BIVM: variants seen among roughly 807,000 people sequenced by gnomAD.
The protein encoded by BIVM is basic immunoglobulin-like variable motif-containing protein.
In BIVM, 31 loss-of-function variants were observed where a neutral mutation model predicts 61.4. The ratio of observed to expected loss-of-function variants is 0.51; its 90% CI spans 0.38 to 0.68. BIVM has a LOEUF of 0.68. Ranked by LOEUF, BIVM falls within the 30% of genes least tolerant of loss-of-function variation. BIVM has a pLI of 0.00. For synonymous variants in BIVM, 189 were observed against 210.7 expected, an observed-to-expected ratio of 0.90 and a Z score of 0.89; for missense variants, 526 against 596.0, an observed-to-expected ratio of 0.88 and a Z score of 1.22.
Position 102,839,568 on chromosome 13 carries a change from TCAGG to T in BIVM, c.1219-3_1219del, listed in dbSNP as rs1467971915. 1 of 1,611,626 alleles carries T rather than the reference TCAGG, an allele frequency of 6.2e-7. No individual in the cohort carries two copies. Among genetic ancestry groups the T allele is most frequent in the South Asian group, 1.1e-5 (1 of 90,782 alleles). On this transcript the variant is annotated splice_acceptor_variant and splice_polypyrimidine_tract_variant and coding_sequence_variant and intron_variant, in exon 11 of 11. Transcript: ENST00000257336. LOFTEE classifies it high-confidence loss of function. ...TTCTTCAGCCAACATTTTTTTCTTC[TCAGG>T]TTGGGGGAAATTTGCATTGCATCAT...
At chr13:102,830,102 C>T (rs920985637) in intron 7 of BIVM, among the ~76,000 whole-genome samples, 2 of 152,078 alleles carry the variant, frequency 1.3e-5, no homozygotes, top group African/African-American at 4.8e-5. Context: ...CATTAAGTTT[C>T]ATCTTGAATG....
chr13:102,833,025 G>A (rs1881200531), intron 8 of BIVM, among the ~76,000 whole-genome samples: 1 of 152,096 alleles, frequency 6.6e-6, no homozygotes, highest in South Asian at 2.1e-4. Context: ...TTGGGAGGCT[G>A]AGGCAGGCAG....
intron 4 of BIVM, chr13:102,820,764 A>G (rs187675440): frequency 8.7e-5 from 29 of 331,746 alleles, no homozygotes; most frequent in East Asian, 5.6e-4. Flanking sequence ...AACTTTTAAT[A>G]GGCGATATAT....
At chr13:102,831,413 G>A (rs1196376517) in intron 7 of BIVM, 152 bp from the exon 8 acceptor site, 3 of 1,183,594 alleles carry the variant, frequency 2.5e-6, no homozygotes, top group Admixed American at 2.6e-5. Flanking sequence ...AACATTTTTT[G>A]TACCTATCAA....
At chr13:102,820,678 G>A in intron 4 of BIVM, 1 of 210,262 alleles carries the variant, frequency 4.8e-6, no homozygotes, top group Non-Finnish European at 9.4e-6. Context: ...TGACACGTGG[G>A]GGCAATGGTT....
chr13:102,806,517 T>C (rs1459846861), intron 2 of BIVM, among the ~76,000 whole-genome samples: 2 of 152,208 alleles, frequency 1.3e-5, no homozygotes, highest in East Asian at 3.9e-4. Context: ...CCCAAAGTGC[T>C]GGATTACAGG....
chr13:102,838,636 A>T lies in BIVM; in HGVS notation c.1122-7A>T. 6.3e-7 allele frequency: 1 copy of T among 1,599,132 alleles called. No homozygotes were observed. On this transcript the variant is annotated splice_polypyrimidine_tract_variant and splice_region_variant and intron_variant, in intron 9 of 10. Transcript: ENST00000257336. ...AATTGTGCTTTATCCTTTCTTCTTAACTATAGATGGGCAGATATTGTTACT... is the reference window on the plus strand; with the variant it reads ...AATTGTGCTTTATCCTTTCTTCTTATCTATAGATGGGCAGATATTGTTACT...
At chr13:102,834,127 G>A (rs551536218) in intron 8 of BIVM, among the ~76,000 whole-genome samples, 9 of 152,288 alleles carry the variant, frequency 5.9e-5, no homozygotes, top group South Asian at 2.1e-4. Flanking sequence ...TTTAGGATGC[G>A]TTTTGAGATG....
Position 102,807,374 on chromosome 13 carries a change from T to C in BIVM, c.107T>C (p.Phe36Ser). 1 of 1,614,214 alleles carries C rather than the reference T, an allele frequency of 6.2e-7. No homozygotes were observed. The highest frequency in any genetic ancestry group is 8.5e-7 in the Non-Finnish European group (1 of 1,180,038). ...EENLQGAVKS[F>S]CTSASGAPLG... Reference sequence around the variant, plus strand: ...AATCTACAAGGTGCTGTAAAATCTTTCTGCACAAGTGCCTCAGGAGCACCC... The same window carrying C: ...AATCTACAAGGTGCTGTAAAATCTTCCTGCACAAGTGCCTCAGGAGCACCC... The change falls in exon 3 of 11, where the codon TTC becomes TCC. Residue 36 changes from phenylalanine to serine, a missense_variant. Phe to Ser is a radical substitution (Grantham distance 155). Transcript: ENST00000257336. This position sits in a 1 kb window ranked among gnomAD's most constrained non-coding sequence, Gnocchi z 4.0.
chr13:102,801,172 T>C (rs1333709466), intron 1 of BIVM, among the ~76,000 whole-genome samples: 1 of 152,214 alleles, frequency 6.6e-6, no homozygotes, highest in African/African-American at 2.4e-5. Flanking sequence ...ACCATATTTC[T>C]ATTGCTTATG....
At chr13:102,832,727 AT>A (rs1220205837) in intron 8 of BIVM, among the ~76,000 whole-genome samples, 1 of 152,142 alleles carries the variant, frequency 6.6e-6, no homozygotes, top group Non-Finnish European at 1.5e-5. Flanking sequence ...CTCTGAGCCA[AT>A]TTTTATTTCC....
chr13:102,815,857 C>A (rs1879834840), intron 3 of BIVM, among the ~76,000 whole-genome samples: 1 of 152,198 alleles, frequency 6.6e-6, no homozygotes, highest in African/African-American at 2.4e-5. Context: ...GCTAGAGTTG[C>A]ATTTTAGTAA....
At chr13:102,803,099 G>A (rs956195135) in intron 1 of BIVM, among the ~76,000 whole-genome samples, 1 of 150,142 alleles carries the variant, frequency 6.7e-6, no homozygotes, top group Admixed American at 6.7e-5. Context: ...GAGGCGGGAG[G>A]ATTGCTTGAA....
Position 102,807,872 on chromosome 13 carries a change from G to C in BIVM, c.478+127G>C. On this transcript the variant is annotated intron_variant, in intron 3 of 10. Transcript: ENST00000257336. The surrounding 1 kb of genome is among the most constrained non-coding windows in gnomAD (Gnocchi z 4.0). ...AGATAAGGAACATGGCTATCATCTT[G>C]TCTGTCAATGTAGTTTTAGGAAAGT... The C allele has an allele frequency of 9.3e-7, 1 of 1,078,902 alleles. No homozygotes were observed. Among genetic ancestry groups the C allele is most frequent in the Admixed American group, 2.9e-5 (1 of 34,918 alleles). The allele number at this position is 1,078,902 out of a possible 1,614,324, so 66.8% of individuals were successfully genotyped here.
chr13:102,829,587 C>A (rs547628118), intron 7 of BIVM, among the ~76,000 whole-genome samples: 1 of 151,972 alleles, frequency 6.6e-6, no homozygotes, highest in African/African-American at 2.4e-5. Flanking sequence ...ACCTGTAATC[C>A]CAGCACTTTG....
chr13:102,804,531 C>G (rs1183580068), intron 1 of BIVM, among the ~76,000 whole-genome samples: 1 of 152,178 alleles, frequency 6.6e-6, no homozygotes, highest in East Asian at 1.9e-4. Context: ...CCAGGCTGGT[C>G]TCGAACTCTG....
chr13:102,822,609 C>T (rs1031359935), intron 7 of BIVM, among the ~76,000 whole-genome samples: 2 of 152,292 alleles, frequency 1.3e-5, no homozygotes, highest in African/African-American at 4.8e-5. Flanking sequence ...GGAAAATAGA[C>T]TGTTGAAGTG....
chr13:102,812,027 C>T (rs1425469157), intron 3 of BIVM, among the ~76,000 whole-genome samples: 2 of 152,182 alleles, frequency 1.3e-5, no homozygotes, highest in African/African-American at 2.4e-5. Flanking sequence ...TTGGTCCACT[C>T]GATGGTGTCC....
rs368562974 is a variant in BIVM at position 102,824,279 on chromosome 13, C to T, written c.901+2120C>T. Among the ~76,000 whole-genome samples, 32 of 152,324 alleles carry T rather than the reference C, an allele frequency of 2.1e-4. No homozygotes were observed. In the South Asian group the frequency reaches 5.6e-3, roughly 27 times the overall value. ...CACCATGTGGAGTTCCTGCCCCTCT[C>T]TCAGGATAGCACATGTGTGACCTGG... On this transcript the variant is annotated intron_variant, in intron 7 of 10. Transcript: ENST00000257336.
Sources: gnomAD v4.1 joint callset for allele counts (sites outside exome capture counted in the v4.1 genomes callset) on GRCh38, gnomAD v4.1.1 for gene constraint, Gnocchi (gnomAD v3.1) non-coding constraint, MANE v1.5 for transcripts, NCBI Gene and HGNC (gene_info 2026-07-23, HGNC 2026-07-21) for gene names.